Variants in SLC22A23 observed in about 807,000 individuals in gnomAD.
SLC22A23 encodes the protein ion transporter protein.
A neutral mutation model predicts 61.0 loss-of-function variants in SLC22A23; 26 were observed. The ratio of observed to expected loss-of-function variants is 0.43; its 90% CI spans 0.31 to 0.59. The LOEUF (loss-of-function observed/expected upper bound fraction) is 0.59. Ranked by LOEUF, SLC22A23 falls within the 20% of genes least tolerant of loss-of-function variation. The pLI, the probability that SLC22A23 is intolerant of heterozygous loss-of-function variation, is 0.11. For synonymous variants in SLC22A23, 430 were observed against 413.9 expected (o/e 1.04, Z -0.47); for missense variants, 796 against 934.7 (o/e 0.85, Z 1.94).
chr6:3,297,225 T>A lies in SLC22A23; in HGVS notation c.1210+866A>T, dbSNP rs1561877527. On this transcript the variant is annotated intron_variant, in intron 5 of 9. Coordinates refer to ENST00000406686, the MANE Select transcript of SLC22A23 (RefSeq NM_015482.2). The surrounding 1 kb of genome is among the most constrained non-coding windows in gnomAD (Gnocchi z 4.3). ...AACACGTGTTGGTTTACTGAATGAA[T>A]CATGATCACAAGCATTTCTGGTCAG... is the stretch of plus-strand genomic sequence containing the variant. Among the ~76,000 whole-genome samples the A allele has an allele frequency of 6.6e-6, 1 of 152,228 alleles. No individual in the cohort carries two copies. The highest frequency in any genetic ancestry group is 1.9e-4 in the East Asian group (1 of 5,206).
At chr6:3,422,915 T>C (rs970873885) in intron 1 of SLC22A23, among the ~76,000 whole-genome samples, 13 of 152,262 alleles carry the variant, frequency 8.5e-5, no homozygotes, top group African/African-American at 2.9e-4. Flanking sequence ...ATTCTGAGCC[T>C]CTCTAAGGAA....
intron 1 of SLC22A23, among the ~76,000 whole-genome samples, chr6:3,433,952 C>T (rs1771034908): frequency 6.6e-6 from 1 of 152,204 alleles, no homozygotes; most frequent in Non-Finnish European, 1.5e-5. Flanking sequence ...ATATACAAGT[C>T]AAAACCTACT....
At chr6:3,396,768 C>A (rs1344075182) in intron 3 of SLC22A23, among the ~76,000 whole-genome samples, 2 of 152,192 alleles carry the variant, frequency 1.3e-5, no homozygotes, top group East Asian at 1.9e-4. Flanking sequence ...AGCGAGGCTG[C>A]CGAGCAGCCT....
At chr6:3,439,684 C>A (rs1395791857) in intron 1 of SLC22A23, among the ~76,000 whole-genome samples, 1 of 152,158 alleles carries the variant, frequency 6.6e-6, no homozygotes, top group African/African-American at 2.4e-5. Flanking sequence ...GAGAGCAAAA[C>A]CCTTTCGCCA....
intron 1 of SLC22A23, among the ~76,000 whole-genome samples, chr6:3,448,903 G>A (rs79677772): frequency 0.04 from 5,941 of 148,694 alleles, 163 homozygotes; most frequent in Non-Finnish European, 0.06. Context: ...AGAGGGAGAC[G>A]GAGAGGGAGA....
chr6:3,312,590 GTCGCACTCAGGACTGCCAC>G (rs1006669328), intron 4 of SLC22A23: 3 of 152,124 alleles, frequency 2.0e-5, no homozygotes, highest in Non-Finnish European at 4.4e-5. Flanking sequence ...GGCTGTCCCG[GTCGCACTCAGGACTGCCAC>G]TCTTTAGTAC....
intron 6 of SLC22A23, among the ~76,000 whole-genome samples, chr6:3,287,675 G>GTTT (rs11418179): frequency 8.0e-5 from 11 of 136,872 alleles, no homozygotes; most frequent in African/African-American, 2.5e-4. Flanking sequence ...ACAGGAAACT[G>GTTT]TTTTTTTTTT....
At position 3,327,328 on chromosome 6, in the gene SLC22A23, C is replaced by T. The variant is rs1269262142; in HGVS notation, c.914-3326G>A. 2.6e-5 allele frequency among the ~76,000 whole-genome samples: 4 copies of T among 152,172 alleles called. No individual in the cohort carries two copies. The highest frequency in any genetic ancestry group is 1.9e-4 in the East Asian group (1 of 5,194). ...AAGACCTTGGCTGGCAGCTGTGTCC[C>T]GGTACTTACTAGAATCAATTTCTTT... On this transcript the variant is annotated intron_variant, in intron 3 of 9. Transcript: ENST00000406686. The surrounding 1 kb of genome is among the most constrained non-coding windows in gnomAD (Gnocchi z 4.1).
At chr6:3,284,975 G>A (rs1433776545) in intron 8 of SLC22A23, 104 bp downstream of exon 8, 1 of 1,554,500 alleles carries the variant, frequency 6.4e-7, no homozygotes, top group Non-Finnish European at 8.7e-7. Context: ...AGGGCAACGG[G>A]GAGAAAGAGA....
intron 1 of SLC22A23, among the ~76,000 whole-genome samples, chr6:3,446,941 A>C (rs1386357237): frequency 1.3e-5 from 2 of 152,074 alleles, no homozygotes; most frequent in African/African-American, 4.8e-5. Flanking sequence ...GGGAGTTATC[A>C]GCATCTTCTA....
Position 3,386,410 on chromosome 6 carries a change from T to G in SLC22A23, c.913+23778A>C, listed in dbSNP as rs754752039. On this transcript the variant is annotated intron_variant, in intron 3 of 9. Coordinates refer to ENST00000406686, the MANE Select transcript of SLC22A23 (RefSeq NM_015482.2). This position sits in a 1 kb window ranked among gnomAD's most constrained non-coding sequence, Gnocchi z 4.4. ...GCCACACGCACAACCAGCCCTGGGG[T>G]CCCTGGATGTGGCACCAGGAGTTGG... 4.6e-5 allele frequency among the ~76,000 whole-genome samples: 7 copies of G among 152,040 alleles called. No homozygotes were observed. The highest frequency in any genetic ancestry group is 8.8e-5 in the Non-Finnish European group (6 of 68,008).
rs1009560070 is a variant in SLC22A23, at chr6:3,387,464, G to A, written c.913+22724C>T. ...CAAGGAACTGTCACAGATCAGAGGC[G>A]ACTGTGGAGACACAGCTACATTTAA... On this transcript the variant is annotated intron_variant, in intron 3 of 9. Coordinates refer to ENST00000406686, the MANE Select transcript of SLC22A23 (RefSeq NM_015482.2). This position sits in a 1 kb window ranked among gnomAD's most constrained non-coding sequence, Gnocchi z 5.0. Among the ~76,000 whole-genome samples the A allele has an allele frequency of 2.0e-5, 3 of 152,228 alleles. No individual in the cohort carries two copies. Among genetic ancestry groups the A allele is most frequent in the African/African-American group, 7.2e-5 (3 of 41,460 alleles).
rs750399488 is a variant in SLC22A23, at chr6:3,273,045, G to A, written c.*10C>T. The A allele has an allele frequency of 7.9e-6, 12 of 1,527,104 alleles. No homozygotes were observed. The highest frequency in any genetic ancestry group is 3.7e-5 in the South Asian group (3 of 80,626). The allele number at this position is 1,527,104 out of a possible 1,614,324, so 94.6% of individuals were successfully genotyped here. A position where few individuals can be genotyped will look rare whatever the true frequency, so the allele number is the denominator to read the frequency against. On this transcript the variant is annotated 3_prime_UTR_variant, in exon 10 of 10. Transcript: ENST00000406686. ...CCCAGACCCTGGAGCCCCGGGTTCC[G>A]CAGGCCGGGCTACATGGCCTTCATG...
In SLC22A23 at chr6:3,342,090, T is replaced by C. The variant is rs1764186903; in HGVS notation, c.914-18088A>G. Among the ~76,000 whole-genome samples, 1 of 152,142 alleles carries C rather than the reference T, an allele frequency of 6.6e-6. No homozygotes were observed. Among genetic ancestry groups the C allele is most frequent in the Admixed American group, 6.5e-5 (1 of 15,280 alleles). The stretch of plus-strand genomic sequence containing the variant: ...TTCTTCTTAATGAAAGCTGCTAGTT[T>C]AGGTTCAGCAGCTCCTAAACTAGCA... On this transcript the variant is annotated intron_variant, in intron 3 of 9. Transcript: ENST00000406686. This position sits in a 1 kb window ranked among gnomAD's most constrained non-coding sequence, Gnocchi z 4.0.
At position 3,309,262 on chromosome 6, in the gene SLC22A23, C is replaced by A. The variant is rs1007405686; in HGVS notation, c.1083-11044G>T. 6.6e-6 allele frequency among the ~76,000 whole-genome samples: 1 copy of A among 152,172 alleles called. No individual in the cohort carries two copies. Among genetic ancestry groups the A allele is most frequent in the Non-Finnish European group, 1.5e-5 (1 of 68,040 alleles). ...AGTGGACCAAGGTCGTGCCGCTGCA[C>A]TCTAGCCTGGGCAACAGAGTGAGAC... On this transcript the variant is annotated intron_variant, in intron 4 of 9. Coordinates refer to ENST00000406686, the MANE Select transcript of SLC22A23 (RefSeq NM_015482.2). This position sits in a 1 kb window ranked among gnomAD's most constrained non-coding sequence, Gnocchi z 4.7.
At chr6:3,361,830 G>A (rs1199668974) in intron 3 of SLC22A23, among the ~76,000 whole-genome samples, 6 of 152,210 alleles carry the variant, frequency 3.9e-5, no homozygotes, top group African/African-American at 1.2e-4. Context: ...CCTGTCAAGC[G>A]GGAAACACGT....
At chr6:3,305,926 C>G (rs1031979002) in intron 4 of SLC22A23, among the ~76,000 whole-genome samples, 1 of 152,132 alleles carries the variant, frequency 6.6e-6, no homozygotes, top group Non-Finnish European at 1.5e-5. Context: ...TGGAGGAGTC[C>G]CATTATCTTA....
intron 5 of SLC22A23, among the ~76,000 whole-genome samples, chr6:3,294,213 C>G (rs940010109): frequency 6.6e-6 from 1 of 152,060 alleles, no homozygotes; most frequent in African/African-American, 2.4e-5. Context: ...ACATATGAAG[C>G]GCTTCCTCCG....
Position 3,309,597 on chromosome 6 carries a change from A to G in SLC22A23, c.1083-11379T>C, listed in dbSNP as rs1762229646. 6.6e-6 allele frequency among the ~76,000 whole-genome samples: 1 copy of G among 151,922 alleles called. No homozygotes were observed. Among genetic ancestry groups the G allele is most frequent in the Non-Finnish European group, 1.5e-5 (1 of 67,974 alleles). On this transcript the variant is annotated intron_variant, in intron 4 of 9. Transcript: ENST00000406686. This position sits in a 1 kb window ranked among gnomAD's most constrained non-coding sequence, Gnocchi z 4.7. ...TGACGAGCAGGTGGCACCTGACCAT[A>G]ATAAGGACTGTGGGCTGACGAGCAG... is the stretch of plus-strand genomic sequence containing the variant.
Sources: gnomAD v4.1 joint callset for allele counts (sites outside exome capture counted in the v4.1 genomes callset) on GRCh38, gnomAD v4.1.1 for gene constraint, Gnocchi (gnomAD v3.1) non-coding constraint, MANE v1.5 for transcripts, NCBI Gene and HGNC (gene_info 2026-07-23, HGNC 2026-07-21) for gene names.